The following APBA1 variants were observed in gnomAD, a reference collection of about 807,000 sequenced individuals.
APBA1 encodes the protein amyloid beta precursor protein binding family A member 1.
In APBA1, 55 loss-of-function variants were observed where a neutral mutation model predicts 86.6. The observed-to-expected ratio is 0.64, with a 90% CI of 0.51 to 0.80. The LOEUF is 0.80. Among genes scored for constraint, APBA1 ranks in the 30% least tolerant of loss-of-function variants. The pLI is 0.00. For synonymous variants in APBA1, 511 were observed against 493.9 expected (o/e 1.03, Z -0.46); for missense variants, 1,090 against 1,183.0 (o/e 0.92, Z 1.15).
intron 1 of APBA1, among the ~76,000 whole-genome samples, chr9:69,578,263 T>G (rs529255597): frequency 1.3e-5 from 2 of 152,176 alleles, no homozygotes; most frequent in African/African-American, 4.8e-5. Context: ...CGGATCCAAC[T>G]GCTAAAGCTG....
chr9:69,449,856 T>C, intron 9 of APBA1, 60 bp from the exon 10 acceptor site: 1 of 1,461,490 alleles, frequency 6.8e-7, no homozygotes. Context: ...TAGGTAGAAA[T>C]GAAAGCCTCT....
chr9:69,533,071 T>C (rs1169892954), intron 1 of APBA1, among the ~76,000 whole-genome samples: 2 of 152,224 alleles, frequency 1.3e-5, no homozygotes, highest in African/African-American at 2.4e-5. Flanking sequence ...GATAGAATCC[T>C]ATGATACACA....
chr9:69,602,256 C>T (rs1822365185), intron 1 of APBA1, among the ~76,000 whole-genome samples: 1 of 152,100 alleles, frequency 6.6e-6, no homozygotes, highest in Non-Finnish European at 1.5e-5. Flanking sequence ...CAATCCAGCA[C>T]ATCTTCATCA....
intron 1 of APBA1, among the ~76,000 whole-genome samples, chr9:69,606,065 A>G (rs568607114): frequency 1.3e-5 from 2 of 152,358 alleles, no homozygotes; most frequent in South Asian, 4.1e-4. Context: ...ATACACACAA[A>G]AAGAATCCAC....
rs1307045557 is a variant in APBA1 at position 69,634,814 on chromosome 9, G to A, written c.-70+37339C>T. On this transcript the variant is annotated intron_variant, in intron 1 of 12. Transcript: ENST00000265381. ...GAAACCTCACAGGCCAGGAGAGAGTGGCATAACATATTTAAAGTGCAGAAG... is the reference window on the plus strand; with the variant it reads ...GAAACCTCACAGGCCAGGAGAGAGTAGCATAACATATTTAAAGTGCAGAAG... 2.2e-5 allele frequency among the ~76,000 whole-genome samples: 3 copies of A among 139,400 alleles called. No individual in the cohort carries two copies. The Admixed American group carries it at 2.3e-4, about 11-fold the overall frequency. 91.5% of individuals were successfully genotyped at this position (139,400 alleles called of 152,430 possible).
chr9:69,468,919 C>G lies in APBA1; in HGVS notation c.1337-951G>C, dbSNP rs550534424. Among the ~76,000 whole-genome samples, 23 of 150,846 alleles carry G rather than the reference C, an allele frequency of 1.5e-4. No homozygotes were observed. In the East Asian group the frequency reaches 1.7e-3, roughly 11 times the overall value. On this transcript the variant is annotated intron_variant, in intron 4 of 12. Coordinates refer to ENST00000265381, the MANE Select transcript of APBA1 (RefSeq NM_001163.4). ...TCACTCTCTCGCTAAGGCTGGAGTA[C>G]AGTGGTGTGATCTCGGCTCACTGCA...
intron 1 of APBA1, among the ~76,000 whole-genome samples, chr9:69,616,351 GA>G (rs1199910980): frequency 6.6e-6 from 1 of 152,146 alleles, no homozygotes; most frequent in African/African-American, 2.4e-5. Context: ...TACAAAATAA[GA>G]AAACAGGCCA....
At chr9:69,548,664 C>T (rs1211354551) in intron 1 of APBA1, among the ~76,000 whole-genome samples, 2 of 152,188 alleles carry the variant, frequency 1.3e-5, no homozygotes, top group Non-Finnish European at 2.9e-5. Flanking sequence ...TGGGGAAGGA[C>T]TGAAACCCTG....
chr9:69,484,480 C>T (rs1479435068), intron 2 of APBA1, among the ~76,000 whole-genome samples: 3 of 152,188 alleles, frequency 2.0e-5, no homozygotes, highest in Non-Finnish European at 4.4e-5. Flanking sequence ...GCCTTTGGCA[C>T]ATGCTTGAGC....
intron 1 of APBA1, among the ~76,000 whole-genome samples, chr9:69,613,358 T>G (rs1178221613): frequency 1.3e-5 from 2 of 152,204 alleles, no homozygotes; most frequent in Admixed American, 1.3e-4. Context: ...CCACATTTTT[T>G]TTCCTAAGCC....
intron 5 of APBA1, among the ~76,000 whole-genome samples, chr9:69,459,371 C>A (rs551641720): frequency 6.6e-6 from 1 of 152,270 alleles, no homozygotes. Flanking sequence ...TCTCTTGTTC[C>A]ATCATTTATT....
chr9:69,457,201 G>A, intron 6 of APBA1, 62 bp from the exon 7 acceptor site: 1 of 1,311,796 alleles, frequency 7.6e-7, no homozygotes, highest in East Asian at 2.3e-5. Context: ...AGATGCAGAA[G>A]GAGTAAGGTT....
chr9:69,658,230 TTC>T (rs1202854863), intron 1 of APBA1, among the ~76,000 whole-genome samples: 1 of 15,428 alleles, frequency 6.5e-5, no homozygotes, highest in Non-Finnish European at 2.4e-4. Context: ...CTCTCTTTCT[TTC>T]TTTCTTTCTT....
intron 8 of APBA1, among the ~76,000 whole-genome samples, chr9:69,452,942 A>C (rs1269834009): frequency 2.6e-5 from 4 of 152,208 alleles, no homozygotes; most frequent in Non-Finnish European, 5.9e-5. Context: ...TTGTAGATAC[A>C]TACATATTAT....
chr9:69,597,858 TTGTGGAAGTCAG>T (rs1420375037), intron 1 of APBA1, among the ~76,000 whole-genome samples: 2 of 152,306 alleles, frequency 1.3e-5, no homozygotes, highest in East Asian at 3.9e-4. Context: ...AGTTCAACCC[TTGTGGAAGTCAG>T]TGTGGCGATT....
At chr9:69,501,818 A>T (rs1486412842) in intron 2 of APBA1, among the ~76,000 whole-genome samples, 1 of 152,050 alleles carries the variant, frequency 6.6e-6, no homozygotes, top group Non-Finnish European at 1.5e-5. Flanking sequence ...ACAGAGTGAG[A>T]TTGTCTCTAA....
chr9:69,516,482 G>A lies in APBA1; in HGVS notation c.729C>T (p.Asp243=). 6.3e-7 allele frequency: 1 copy of A among 1,599,830 alleles called. No homozygotes were observed. Among genetic ancestry groups the A allele is most frequent in the Non-Finnish European group, 8.5e-7 (1 of 1,178,238 alleles). ...ARLHHYDERS[D]GESDSPEKEA... ...CCTTCTCGGGGCTGTCGGACTCGCC[G>A]TCGGAGCGCTCGTCGTAATGGTGCA... Residue 243 remains aspartate, a synonymous_variant, in exon 2 of 13, where the codon GAC becomes GAT. Coordinates refer to ENST00000265381, the MANE Select transcript of APBA1 (RefSeq NM_001163.4). This position sits in a 1 kb window ranked among gnomAD's most constrained non-coding sequence, Gnocchi z 7.3.
At chr9:69,660,999 G>T (rs901961412) in intron 1 of APBA1, among the ~76,000 whole-genome samples, 2 of 152,206 alleles carry the variant, frequency 1.3e-5, no homozygotes, top group African/African-American at 4.8e-5. Flanking sequence ...TACTGCCTTG[G>T]AGCTGAGAAT....
chr9:69,666,628 T>C (rs923138869), intron 1 of APBA1, among the ~76,000 whole-genome samples: 3 of 152,166 alleles, frequency 2.0e-5, no homozygotes, highest in African/African-American at 7.2e-5. Flanking sequence ...AATTTCATCA[T>C]TAAAACCTCA....
Sources: allele counts gnomAD v4.1 joint callset (sites outside exome capture counted in the v4.1 genomes callset), GRCh38; gene constraint gnomAD v4.1.1; non-coding constraint Gnocchi (gnomAD v3.1); transcripts MANE v1.5; gene names NCBI Gene and HGNC (gene_info 2026-07-23, HGNC 2026-07-21).